IPO8: variants seen among roughly 807,000 people sequenced by gnomAD.
IPO8 encodes importin 8, also known as importin-8.
IPO8 carries 65 observed loss-of-function variants against 141.2 expected under a neutral mutation model. The observed-to-expected ratio is 0.46, with a 90% CI of 0.38 to 0.57. The LOEUF (loss-of-function observed/expected upper bound fraction) is 0.57. Among genes scored for constraint, IPO8 ranks in the 20% least tolerant of loss-of-function variants. IPO8 has a pLI of 0.00. For synonymous variants in IPO8, 411 were observed against 420.3 expected, an observed-to-expected ratio of 0.98 and a Z score of 0.27; for missense variants, 980 against 1,246.8, an observed-to-expected ratio of 0.79 and a Z score of 3.22.
At chr12:30,664,969 A>G (rs1278193852) in intron 13 of IPO8, among the ~76,000 whole-genome samples, 1 of 152,130 alleles carries the variant, frequency 6.6e-6, no homozygotes, top group Admixed American at 6.6e-5. Context: ...CAAACTCCCG[A>G]TCTCAAGTGA....
At chr12:30,681,414 C>T (rs568555229) in intron 4 of IPO8, among the ~76,000 whole-genome samples, 4 of 152,260 alleles carry the variant, frequency 2.6e-5, no homozygotes, top group African/African-American at 9.6e-5. Flanking sequence ...TGGTACTGTG[C>T]AACTAACAAG....
chr12:30,663,500 T>C lies in IPO8; in HGVS notation c.1583A>G (p.Asn528Ser). 1 of 1,610,692 alleles carries C rather than the reference T, an allele frequency of 6.2e-7. No homozygotes were observed. Among genetic ancestry groups the C allele is most frequent in the Non-Finnish European group, 8.5e-7 (1 of 1,178,560 alleles). The change falls in exon 14 of 25, where the codon AAC (asparagine) becomes AGC (serine). Residue 528 changes from asparagine to serine, a missense_variant. By Grantham distance (46) the Asn-to-Ser change is conservative (BLOSUM62 1). Transcript: ENST00000256079. Reference protein sequence around the residue: ...AALALQSLISNQIQAKEYMKP... With the variant: ...AALALQSLISSQIQAKEYMKP... ...TATTTTGGCTTTACCTTGTATCTGGTTAGAAATTAAAGACTGAAGAGCAAG... is the reference window on the plus strand; with the variant it reads ...TATTTTGGCTTTACCTTGTATCTGGCTAGAAATTAAAGACTGAAGAGCAAG...
At chr12:30,694,003 C>T (rs111454164) in intron 1 of IPO8, among the ~76,000 whole-genome samples, 161 of 152,278 alleles carry the variant, frequency 1.1e-3, no homozygotes, top group African/African-American at 3.8e-3. Flanking sequence ...ACTTCTATAA[C>T]ATCAACTGTA....
rs1346676592 is a variant in IPO8 at position 30,695,841 on chromosome 12, C to T, written c.-194G>A. ...CCCCCTGTCCTCCCTTTTTCCCCCC[C>T]ACAACTCGCTCTCCATTCACCGTTT... On this transcript the variant is annotated 5_prime_UTR_variant, in exon 1 of 25. The change creates a premature stop within an existing upstream ORF in the 5' untranslated region. Coordinates refer to ENST00000256079, the MANE Select transcript of IPO8 (RefSeq NM_006390.4). This position sits in a 1 kb window ranked among gnomAD's most constrained non-coding sequence, Gnocchi z 4.2. 7 of 535,084 alleles carry T rather than the reference C, an allele frequency of 1.3e-5. No homozygotes were observed. Among genetic ancestry groups the T allele is most frequent in the Non-Finnish European group, 2.3e-5 (7 of 298,354 alleles). The allele number at this position is 535,084 out of a possible 1,614,324, so 33.1% of individuals were successfully genotyped here.
chr12:30,639,414 TA>T, intron 21 of IPO8, 100 bp downstream of exon 21: 2 of 734,126 alleles, frequency 2.7e-6, no homozygotes, highest in South Asian at 1.9e-5. Context: ...AAATAATTCC[TA>T]AGACATGAAA....
chr12:30,662,835 A>C (rs926742862), intron 14 of IPO8, among the ~76,000 whole-genome samples: 1 of 152,122 alleles, frequency 6.6e-6, no homozygotes, highest in African/African-American at 2.4e-5. Flanking sequence ...GTTATAAAAA[A>C]TCATGTACGT....
chr12:30,651,563 ATG>A (rs376066408), intron 19 of IPO8, among the ~76,000 whole-genome samples: 33 of 151,094 alleles, frequency 2.2e-4, no homozygotes, highest in Admixed American at 7.9e-4. Context: ...TTTCATATTT[ATG>A]TGTGTGTGTG....
chr12:30,662,281 A>G, intron 15 of IPO8, 46 bp downstream of exon 15: 2 of 1,492,836 alleles, frequency 1.3e-6, no homozygotes, highest in South Asian at 2.4e-5. Flanking sequence ...TATTTAGATT[A>G]CTCAAGGTTT....
chr12:30,653,291 T>C (rs1459676075), intron 17 of IPO8, among the ~76,000 whole-genome samples, 199 bp from the exon 18 acceptor site: 4 of 152,056 alleles, frequency 2.6e-5, no homozygotes, highest in South Asian at 2.1e-4. Flanking sequence ...TCTGCCCCTC[T>C]GTTCAATAAG....
rs746641561 is a variant in IPO8, at chr12:30,665,787, G to C, written c.1280C>G (p.Pro427Arg). ...YQILTDPNFDPRKKDGALHVI... is the reference protein window; with the variant it reads ...YQILTDPNFDRRKKDGALHVI... Reference sequence around the variant, plus strand: ...ATGCAGGGCTCCATCTTTCTTCCTAGGGTCAAAGTTCGGGTCTGTCAGGAT... The same window carrying C: ...ATGCAGGGCTCCATCTTTCTTCCTACGGTCAAAGTTCGGGTCTGTCAGGAT... The change falls in exon 12 of 25, where the codon CCT (proline) becomes CGT (arginine). Residue 427 changes from proline (P) to arginine (R), a missense_variant. Pro to Arg is a moderately radical substitution (Grantham distance 103). Transcript: ENST00000256079. 1 of 1,613,692 alleles carries C rather than the reference G, an allele frequency of 6.2e-7. No individual in the cohort carries two copies. The highest frequency in any genetic ancestry group is 2.2e-5 in the East Asian group (1 of 44,806).
chr12:30,652,934 A>T, intron 18 of IPO8, 33 bp downstream of exon 18: 1 of 1,565,156 alleles, frequency 6.4e-7, no homozygotes. Context: ...CTAGACACAG[A>T]AAAGCAAAAA....
At chr12:30,643,963 C>T (rs1160786299) in intron 20 of IPO8, among the ~76,000 whole-genome samples, 1 of 152,072 alleles carries the variant, frequency 6.6e-6, no homozygotes, top group East Asian at 1.9e-4. Flanking sequence ...TTTAGCCCCA[C>T]TCATGTCTTG....
chr12:30,684,480 A>C lies in IPO8; in HGVS notation c.167-23T>G, dbSNP rs1418466898. 1.9e-6 allele frequency: 3 copies of C among 1,612,008 alleles called. No individual in the cohort carries two copies. The East Asian group carries it at 6.7e-5, about 36-fold the overall frequency. On this transcript the variant is annotated intron_variant, in intron 2 of 24. Coordinates refer to ENST00000256079, the MANE Select transcript of IPO8 (RefSeq NM_006390.4). ...CAGCTGAGTTTGAGAAAAAATGCTA[A>C]TGTAGCAGTACCAAAAAGGATGGCT... is the stretch of plus-strand genomic sequence containing the variant.
intron 15 of IPO8, among the ~76,000 whole-genome samples, chr12:30,661,890 T>A (rs1370595966): frequency 6.6e-6 from 1 of 152,218 alleles, no homozygotes; most frequent in African/African-American, 2.4e-5. Context: ...TAAAGTCTAA[T>A]GAACTATAGT....
chr12:30,692,815 C>A lies in IPO8; in HGVS notation c.85-2238G>T, dbSNP rs765541333. 3.4e-4 allele frequency among the ~76,000 whole-genome samples: 52 copies of A among 152,146 alleles called. 1 individual carries two copies. The highest frequency in any genetic ancestry group is 5.7e-4 in the Non-Finnish European group (39 of 68,012). On this transcript the variant is annotated intron_variant, in intron 1 of 24. Transcript: ENST00000256079. The stretch of plus-strand genomic sequence containing the variant: ...CTTTGCCTGGCCCATTCCTTCACAA[C>A]ATCCAACTCTCTACTCAATGCCATT...
At chr12:30,636,765 C>A (rs1194135974) in intron 22 of IPO8, among the ~76,000 whole-genome samples, 1 of 151,810 alleles carries the variant, frequency 6.6e-6, no homozygotes, top group Non-Finnish European at 1.5e-5. Flanking sequence ...ATAAAAAAAA[C>A]CGCTGAGTAT....
intron 2 of IPO8, among the ~76,000 whole-genome samples, chr12:30,689,989 G>A (rs540038128): frequency 6.6e-6 from 1 of 152,246 alleles, no homozygotes; most frequent in African/African-American, 2.4e-5. Flanking sequence ...AAAGAACGAT[G>A]TACAACATCA....
At chr12:30,644,793 C>T (rs2052620900) in intron 20 of IPO8, among the ~76,000 whole-genome samples, 1 of 151,828 alleles carries the variant, frequency 6.6e-6, no homozygotes. Context: ...GCTGGGATTA[C>T]AGGCGCATGC....
At chr12:30,648,725 A>G (rs1186457026) in intron 20 of IPO8, among the ~76,000 whole-genome samples, 1 of 152,172 alleles carries the variant, frequency 6.6e-6, no homozygotes, top group Non-Finnish European at 1.5e-5. Context: ...CATGAAAAAT[A>G]TAAAGTATAA....
Sources: gnomAD v4.1 joint callset for allele counts (sites outside exome capture counted in the v4.1 genomes callset) on GRCh38, gnomAD v4.1.1 for gene constraint, Gnocchi (gnomAD v3.1) non-coding constraint, MANE v1.5 for transcripts, NCBI Gene and HGNC (gene_info 2026-07-23, HGNC 2026-07-21) for gene names.